ADGRL2: variants seen among roughly 807,000 people sequenced by gnomAD.
ADGRL2 encodes adhesion G protein-coupled receptor L2.
In ADGRL2, 44 loss-of-function variants were observed where a neutral mutation model predicts 157.4. The ratio of observed to expected loss-of-function variants is 0.28; its 90% CI spans 0.22 to 0.36. ADGRL2 has a LOEUF of 0.36. ADGRL2 is among the 10% of genes least tolerant of loss of function. The pLI is 1.00. For synonymous variants in ADGRL2, 585 were observed against 624.7 expected, an observed-to-expected ratio of 0.94 and a Z score of 0.95; for missense variants, 1,510 against 1,768.9, an observed-to-expected ratio of 0.85 and a Z score of 2.63.
intron 15 of ADGRL2, 41 bp from the exon 16 acceptor site, chr1:81,970,273 C>A (rs1281790266): frequency 2.2e-6 from 3 of 1,369,958 alleles, no homozygotes; most frequent in Non-Finnish European, 3.1e-6. Context: ...TATTTTTATT[C>A]ATGAGTTTTC....
intron 2 of ADGRL2, among the ~76,000 whole-genome samples, chr1:81,905,945 A>AGT (rs1491308148): frequency 7.9e-5 from 10 of 125,830 alleles, no homozygotes; most frequent in Non-Finnish European, 1.4e-4. Flanking sequence ...AGAAAAAAGC[A>AGT]GAGTGTGTGT....
chr1:81,898,380 G>A (rs1042713850), intron 2 of ADGRL2, among the ~76,000 whole-genome samples: 2 of 152,088 alleles, frequency 1.3e-5, no homozygotes, highest in South Asian at 4.1e-4. Flanking sequence ...ATTTGCATAA[G>A]AACAATTTCA....
intron 2 of ADGRL2, among the ~76,000 whole-genome samples, chr1:81,845,430 A>G (rs796361144): frequency 2.0e-5 from 3 of 152,180 alleles, no homozygotes; most frequent in South Asian, 4.1e-4. Flanking sequence ...AGTTAAACCT[A>G]TGTGCACACA....
intron 3 of ADGRL2, among the ~76,000 whole-genome samples, chr1:81,660,843 T>G (rs1012325100): frequency 6.6e-6 from 1 of 152,274 alleles, no homozygotes; most frequent in East Asian, 1.9e-4. Context: ...CACTGTGCAA[T>G]TATATGACAG....
chr1:81,953,078 C>T (rs912756479), intron 10 of ADGRL2, 53 bp downstream of exon 10: 51 of 1,427,442 alleles, frequency 3.6e-5, no homozygotes, highest in South Asian at 1.0e-4. Context: ...CTACCTGCCA[C>T]GCTTTATCAT....
chr1:81,831,622 A>T lies in ADGRL2; in HGVS notation c.-100-5263A>T, dbSNP rs559301291. On this transcript the variant is annotated intron_variant, in intron 1 of 23. Coordinates refer to ENST00000686636, the MANE Select transcript of ADGRL2 (RefSeq NM_001366006.2). ...TCTGCTTTTAAGATAAAATGGATAT[A>T]TTTCTTAAGGTTGTTGGGAAAATTG... Among the ~76,000 whole-genome samples the T allele has an allele frequency of 2.6e-5, 4 of 152,052 alleles. No homozygotes were observed. The East Asian group carries it at 7.8e-4, about 29-fold the overall frequency.
intron 10 of ADGRL2, 75 bp downstream of exon 10, chr1:81,953,100 A>G (rs1440811660): frequency 2.4e-6 from 3 of 1,240,436 alleles, no homozygotes; most frequent in Non-Finnish European, 1.2e-6. Context: ...TTGCTGCATG[A>G]TCCAATGTAT....
rs530380857 is a variant in ADGRL2, at chr1:81,589,457, T to C, written c.-143+8477T>C. On this transcript the variant is annotated intron_variant, in intron 3 of 24. Transcript: ENST00000370721. ...CTAATGGGTATTAAAAATAACACAT[T>C]TGCCAGAACAATAACCACATATCTT... Among the ~76,000 whole-genome samples, 6 of 152,240 alleles carry C rather than the reference T, an allele frequency of 3.9e-5. No individual in the cohort carries two copies. The East Asian group carries it at 7.7e-4, about 20-fold the overall frequency.
At chr1:81,546,565 T>C (rs2080023410) in intron 2 of ADGRL2, among the ~76,000 whole-genome samples, 1 of 152,180 alleles carries the variant, frequency 6.6e-6, no homozygotes, top group African/African-American at 2.4e-5. Flanking sequence ...GAAATGGCGC[T>C]TATTTCTTTT....
At chr1:81,547,109 G>A (rs1570458341) in intron 2 of ADGRL2, among the ~76,000 whole-genome samples, 2 of 152,276 alleles carry the variant, frequency 1.3e-5, no homozygotes, top group East Asian at 1.9e-4. Flanking sequence ...CTTTGGCAAA[G>A]TTGCCAGGCA....
intron 23 of ADGRL2, chr1:81,990,141 T>C (rs1057488633): frequency 1.0e-6 from 1 of 985,246 alleles, no homozygotes; most frequent in African/African-American, 1.7e-5. Context: ...CTCCTGAAAT[T>C]GATAAAGTAT....
At chr1:81,639,365 C>T (rs1204728127) in intron 3 of ADGRL2, among the ~76,000 whole-genome samples, 1 of 151,878 alleles carries the variant, frequency 6.6e-6, no homozygotes, top group Non-Finnish European at 1.5e-5. Flanking sequence ...GCCACTGGGC[C>T]CCACCAGAAA....
chr1:81,374,667 T>G (rs149213381), intron 1 of ADGRL2, among the ~76,000 whole-genome samples: 1 of 152,198 alleles, frequency 6.6e-6, no homozygotes, highest in African/African-American at 2.4e-5. Flanking sequence ...CTGGCGGTCC[T>G]GGGCAATTCA....
intron 2 of ADGRL2, among the ~76,000 whole-genome samples, chr1:81,552,753 T>C (rs1399753299): frequency 1.3e-5 from 2 of 152,172 alleles, no homozygotes; most frequent in South Asian, 2.1e-4. Flanking sequence ...ACTAAAAGCA[T>C]TTAATTTCTC....
intron 2 of ADGRL2, among the ~76,000 whole-genome samples, chr1:81,468,660 A>T (rs1375865254): frequency 6.6e-6 from 1 of 152,210 alleles, no homozygotes; most frequent in African/African-American, 2.4e-5. Context: ...GCATAAATTC[A>T]ATACCCTGTG....
chr1:81,725,529 AC>A (rs1406631637), intron 1 of ADGRL2, among the ~76,000 whole-genome samples: 1 of 151,502 alleles, frequency 6.6e-6, no homozygotes, highest in Non-Finnish European at 1.5e-5. Flanking sequence ...ACACTGTGAG[AC>A]TCTGTCTCAA....
intron 1 of ADGRL2, among the ~76,000 whole-genome samples, chr1:81,356,415 C>G (rs1420381779): frequency 6.6e-6 from 1 of 152,094 alleles, no homozygotes; most frequent in Non-Finnish European, 1.5e-5. Flanking sequence ...TACTATATGA[C>G]CTTGGCCACA....
intron 3 of ADGRL2, among the ~76,000 whole-genome samples, chr1:81,677,615 AAAT>A (rs1261395039): frequency 6.6e-6 from 1 of 152,038 alleles, no homozygotes; most frequent in Non-Finnish European, 1.5e-5. Flanking sequence ...TCTATCTCCT[AAAT>A]ATCTCTCAAT....
At chr1:81,664,444 T>C (rs1489812631) in intron 3 of ADGRL2, among the ~76,000 whole-genome samples, 3 of 152,212 alleles carry the variant, frequency 2.0e-5, no homozygotes, top group African/African-American at 7.2e-5. Context: ...AGTGTTGATG[T>C]GCTTCCTTCT....
Sources: allele counts gnomAD v4.1 joint callset (sites outside exome capture counted in the v4.1 genomes callset), GRCh38; gene constraint gnomAD v4.1.1; transcripts MANE v1.5; gene names NCBI Gene and HGNC (gene_info 2026-07-23, HGNC 2026-07-21).